FRA10AC1: variants seen among roughly 807,000 people sequenced by gnomAD.
FRA10AC1 encodes FRA10A associated CGG repeat 1.
A neutral mutation model predicts 56.5 loss-of-function variants in FRA10AC1; 43 were observed. That is an observed-to-expected ratio of 0.76 (90% CI 0.60 to 0.98). The LOEUF is 0.98. Among genes scored for constraint, FRA10AC1 ranks in the 50% least tolerant of loss-of-function variants. FRA10AC1 has a pLI of 0.00. For synonymous variants in FRA10AC1, 112 were observed against 110.5 expected (o/e 1.01, Z -0.09); for missense variants, 346 against 351.8 (o/e 0.98, Z 0.13).
intron 12 of FRA10AC1, chr10:93,672,761 A>G (rs1017462071): frequency 6.6e-6 from 1 of 152,390 alleles, no homozygotes; most frequent in Non-Finnish European, 1.5e-5. Flanking sequence ...TAGAGAATCA[A>G]GTCTACAAGA....
rs140857107 is a variant in FRA10AC1 at position 93,678,664 on chromosome 10, G to GCAA, written c.788-1976_788-1974dup. Among the ~76,000 whole-genome samples, 48 of 151,980 alleles carry GCAA rather than the reference G, an allele frequency of 3.2e-4. No homozygotes were observed. In the Middle Eastern group the frequency reaches 0.014, roughly 43 times the overall value. ...TGGGAAACAGCAAGACCCTGTCTCT[G>GCAA]CAACAACAACAACAACAAAATTAGC... On this transcript the variant is annotated intron_variant, in intron 11 of 13. Coordinates refer to ENST00000359204, the MANE Select transcript of FRA10AC1 (RefSeq NM_145246.5).
intron 12 of FRA10AC1, chr10:93,672,159 T>G: frequency 2.5e-6 from 1 of 396,466 alleles, no homozygotes; most frequent in Non-Finnish European, 4.9e-6. Flanking sequence ...AACATAAAAA[T>G]AAAACAGCAT....
At chr10:93,675,923 T>C (rs753815103) in intron 12 of FRA10AC1, among the ~76,000 whole-genome samples, 1 of 152,188 alleles carries the variant, frequency 6.6e-6, no homozygotes, top group Non-Finnish European at 1.5e-5. Context: ...ATGTACCCTT[T>C]TATAAACCCA....
At chr10:93,702,870 A>G (rs2059368238), upstream of FRA10AC1, among the ~76,000 whole-genome samples, 1 of 151,844 alleles carries the variant, frequency 6.6e-6, no homozygotes, top group Non-Finnish European at 1.5e-5. Flanking sequence ...TACCGTGCCT[A>G]TCACCTGCCG....
chr10:93,670,330 T>C (rs1330864360), intron 13 of FRA10AC1, among the ~76,000 whole-genome samples: 1 of 152,166 alleles, frequency 6.6e-6, no homozygotes, highest in African/African-American at 2.4e-5. Flanking sequence ...GTTTTTTTAC[T>C]ACACTGAGCA....
intron 2 of FRA10AC1, 25 bp downstream of exon 2, chr10:93,700,005 A>T: frequency 8.1e-7 from 1 of 1,242,110 alleles, no homozygotes; most frequent in Non-Finnish European, 1.2e-6. Context: ...TGTGAAAAAT[A>T]GATCAATAAA....
chr10:93,696,091 C>T (rs2059229624), intron 4 of FRA10AC1, among the ~76,000 whole-genome samples: 1 of 152,166 alleles, frequency 6.6e-6, no homozygotes, highest in Admixed American at 6.5e-5. Context: ...ATTCCTCATA[C>T]TAATAACAAC....
chr10:93,678,863 A>AG lies in FRA10AC1; in HGVS notation c.788-2173_788-2172insC, dbSNP rs1332033559. 5.9e-5 allele frequency among the ~76,000 whole-genome samples: 9 copies of AG among 151,880 alleles called. 1 individual carries two copies. The highest frequency in any genetic ancestry group is 1.3e-4 in the Admixed American group (2 of 15,220). On this transcript the variant is annotated intron_variant, in intron 11 of 13. Transcript: ENST00000359204. ...CAAGACCCTGTCTTACAAAAAAAAA[A>AG]AAGCATTAGCTAAAGAGAGGCCAGA...
chr10:93,677,238 A>T (rs887243714), intron 11 of FRA10AC1, among the ~76,000 whole-genome samples: 3 of 150,242 alleles, frequency 2.0e-5, no homozygotes, highest in African/African-American at 4.9e-5. Context: ...AGTGTAATTT[A>T]AAAAAAAAAT....
At chr10:93,685,535 C>G in intron 8 of FRA10AC1, 176 bp from the exon 9 acceptor site, 1 of 410,634 alleles carries the variant, frequency 2.4e-6, no homozygotes, top group Non-Finnish European at 4.3e-6. Flanking sequence ...AATCAAAGTA[C>G]TGTTACCAAA....
intron 12 of FRA10AC1, chr10:93,671,449 A>G (rs932420234): frequency 1.3e-5 from 2 of 153,008 alleles, no homozygotes; most frequent in African/African-American, 4.8e-5. Context: ...AATATAGATC[A>G]GTTTAAAACG....
chr10:93,689,271 T>A (rs1178988894), intron 7 of FRA10AC1, among the ~76,000 whole-genome samples: 1 of 152,050 alleles, frequency 6.6e-6, no homozygotes, highest in East Asian at 1.9e-4. Context: ...TTTCAATTAT[T>A]TTTTTTAAAA....
intron 7 of FRA10AC1, among the ~76,000 whole-genome samples, chr10:93,690,691 G>A (rs2059111420): frequency 6.6e-6 from 1 of 152,110 alleles, no homozygotes; most frequent in African/African-American, 2.4e-5. Flanking sequence ...TTTGTTACAT[G>A]CTCCTAGAAA....
chr10:93,699,981 T>TA (rs773292788), intron 2 of FRA10AC1, 49 bp downstream of exon 2: 2 of 984,456 alleles, frequency 2.0e-6, no homozygotes, highest in Non-Finnish European at 3.1e-6. Context: ...TACTTCATAT[T>TA]AATCTAGAAA....
At chr10:93,699,860 T>C (rs548782155) in intron 2 of FRA10AC1, among the ~76,000 whole-genome samples, 170 bp downstream of exon 2, 4 of 152,356 alleles carry the variant, frequency 2.6e-5, no homozygotes, top group East Asian at 3.8e-4. Context: ...TTTCCCACAA[T>C]TGTTCTCCAA....
At chr10:93,684,499 T>C (rs796327699) in intron 9 of FRA10AC1, among the ~76,000 whole-genome samples, 35 of 42,896 alleles carry the variant, frequency 8.2e-4, no homozygotes, top group East Asian at 4.7e-3. Flanking sequence ...TGTGGTCTCT[T>C]TTTTTTTTTT....
intron 12 of FRA10AC1, chr10:93,671,142 C>T: frequency 1.8e-5 from 5 of 283,858 alleles, no homozygotes; most frequent in Non-Finnish European, 3.4e-5. Context: ...AGTCAATTAT[C>T]TCTTGCAATA....
chr10:93,683,519 T>G (rs2058971436), intron 10 of FRA10AC1, among the ~76,000 whole-genome samples: 2 of 152,040 alleles, frequency 1.3e-5, no homozygotes, highest in African/African-American at 2.4e-5. Context: ...CCCAGTTAAT[T>G]TCTGTATTTT....
At chr10:93,695,096 G>A (rs2059209794) in intron 4 of FRA10AC1, among the ~76,000 whole-genome samples, 159 bp from the exon 5 acceptor site, 1 of 151,900 alleles carries the variant, frequency 6.6e-6, no homozygotes, top group Admixed American at 6.6e-5. Flanking sequence ...AATCTAGAAG[G>A]GTATATATTA....
Sources: gnomAD v4.1 joint callset for allele counts (sites outside exome capture counted in the v4.1 genomes callset) on GRCh38, gnomAD v4.1.1 for gene constraint, MANE v1.5 for transcripts, NCBI Gene and HGNC (gene_info 2026-07-23, HGNC 2026-07-21) for gene names.